NAV1: variants seen among roughly 807,000 people sequenced by gnomAD.
The protein encoded by NAV1 is neuron navigator 1, also known as pore membrane and/or filament interacting like protein 3.
NAV1 carries 18 observed loss-of-function variants against 175.2 expected under a neutral mutation model. The ratio of observed to expected loss-of-function variants is 0.10; its 90% confidence interval spans 0.07 to 0.15. NAV1 has a LOEUF of 0.15. Among genes scored for constraint, NAV1 ranks in the 10% least tolerant of loss-of-function variants. NAV1 has a pLI of 1.00. For missense variants in NAV1, 1,731 were observed against 2,436.6 expected, an observed-to-expected ratio of 0.71 and a Z score of 6.10; for synonymous variants, 897 against 978.7, an observed-to-expected ratio of 0.92 and a Z score of 1.56.
intron 3 of NAV1, among the ~76,000 whole-genome samples, chr1:201,760,861 G>A (rs937706831): frequency 1.3e-5 from 2 of 152,082 alleles, no homozygotes; most frequent in South Asian, 4.1e-4. Context: ...AACTAACATG[G>A]TACCATGTAG....
chr1:201,711,760 G>A lies in NAV1; in HGVS notation c.758-1057G>A, dbSNP rs536604699. 1.9e-4 allele frequency among the ~76,000 whole-genome samples: 29 copies of A among 152,352 alleles called. No homozygotes were observed. In the South Asian group the frequency reaches 2.9e-3, roughly 15 times the overall value. On this transcript the variant is annotated intron_variant, in intron 1 of 29. Coordinates refer to ENST00000367296, the Ensembl canonical transcript of NAV1. ...CTTTAGGTTCCAAAATGAAAGATAAGCCATGGGGCAGGGCCAGCTTCTCTT... is the reference window on the plus strand; with the variant it reads ...CTTTAGGTTCCAAAATGAAAGATAAACCATGGGGCAGGGCCAGCTTCTCTT...
At position 201,791,021 on chromosome 1, in the gene NAV1, G is replaced by A. The variant is rs1415940046; in HGVS notation, c.3321+255G>A. The A allele has an allele frequency of 1.1e-5, 5 of 446,760 alleles. No individual in the cohort carries two copies. In the East Asian group the frequency reaches 1.9e-4, roughly 17 times the overall value. The allele number at this position is 446,760 out of a possible 1,614,324, so 27.7% of individuals were successfully genotyped here. On this transcript the variant is annotated intron_variant, in intron 13 of 29. Coordinates refer to ENST00000367296, the Ensembl canonical transcript of NAV1. ...GATGAGTTCATGTCTGATGGGCTGAGCTCCCTAGAGAAAGAGAAGAAGATT... is the reference window on the plus strand; with the variant it reads ...GATGAGTTCATGTCTGATGGGCTGAACTCCCTAGAGAAAGAGAAGAAGATT...
chr1:201,680,334 C>T (rs938161461), intron 1 of NAV1, among the ~76,000 whole-genome samples: 2 of 152,040 alleles, frequency 1.3e-5, no homozygotes, highest in Non-Finnish European at 2.9e-5. Flanking sequence ...TGGAGAAACC[C>T]CATCTCTACT....
intron 3 of NAV1, among the ~76,000 whole-genome samples, chr1:201,733,884 T>A (rs1672973315): frequency 6.6e-6 from 1 of 152,250 alleles, no homozygotes. Flanking sequence ...GGACTTTGGC[T>A]TTTCTTCCAA....
intron 2 of NAV1, among the ~76,000 whole-genome samples, chr1:201,642,964 A>C (rs71635553): frequency 0.2 from 30,994 of 151,194 alleles, 3,923 homozygotes; most frequent in Admixed American, 0.37. Context: ...TTAGTAGAGA[A>C]GGGGTTTCAC....
At position 201,718,435 on chromosome 1, in the gene NAV1, C is replaced by T; in HGVS notation, c.906C>T (p.Arg302=). The T allele has an allele frequency of 6.4e-7, 1 of 1,556,104 alleles. No individual in the cohort carries two copies. Among genetic ancestry groups the T allele is most frequent in the Non-Finnish European group, 8.7e-7 (1 of 1,145,342 alleles). ...ACGACAGCGATGATGCCAACCCACGCAGCGTGTCCAGCCTCTCCAACCGCT... is the reference window on the plus strand; with the variant it reads ...ACGACAGCGATGATGCCAACCCACGTAGCGTGTCCAGCCTCTCCAACCGCT... The change falls in exon 3 of 30, where the codon CGC becomes CGT. Residue 302 remains arginine, a synonymous_variant. Coordinates refer to ENST00000367296, the Ensembl canonical transcript of NAV1. The surrounding 1 kb of genome is among the most constrained non-coding windows in gnomAD (Gnocchi z 4.8).
chr1:201,710,251 T>C (rs1671849766), intron 1 of NAV1, among the ~76,000 whole-genome samples: 1 of 151,902 alleles, frequency 6.6e-6, no homozygotes, highest in Non-Finnish European at 1.5e-5. Flanking sequence ...TAAAAAATTG[T>C]GGTAGCATCC....
Position 201,691,442 on chromosome 1 carries a change from A to G in NAV1, c.758-21375A>G, listed in dbSNP as rs1670938422. 2.0e-5 allele frequency among the ~76,000 whole-genome samples: 3 copies of G among 152,248 alleles called. No individual in the cohort carries two copies. The South Asian group carries it at 6.2e-4, about 32-fold the overall frequency. On this transcript the variant is annotated intron_variant, in intron 1 of 29. Coordinates refer to ENST00000367296, the Ensembl canonical transcript of NAV1. The stretch of plus-strand genomic sequence containing the variant: ...TTGTTTTGGTCAGCTTTTTATCCCT[A>G]GAGTCTAATATGGTGTTTGGCACAT...
At chr1:201,739,942 G>A (rs1673295197) in intron 3 of NAV1, 1 of 1,366,348 alleles carries the variant, frequency 7.3e-7, no homozygotes, top group Non-Finnish European at 9.5e-7. Context: ...ATACCTTTTC[G>A]GGTGTCCCCG....
At chr1:201,682,918 G>A (rs944769449) in intron 1 of NAV1, among the ~76,000 whole-genome samples, 21 of 151,998 alleles carry the variant, frequency 1.4e-4, no homozygotes, top group African/African-American at 3.9e-4. Context: ...CCCCACCCCC[G>A]TTTCCCCTGT....
At chr1:201,555,680 G>A (rs1665989151) in intron 1 of NAV1, among the ~76,000 whole-genome samples, 1 of 152,110 alleles carries the variant, frequency 6.6e-6, no homozygotes, top group Admixed American at 6.5e-5. Context: ...CAGAAGGAGG[G>A]AGGGCTGCTA....
At chr1:201,642,921 C>G (rs531428755) in intron 2 of NAV1, among the ~76,000 whole-genome samples, 2 of 152,094 alleles carry the variant, frequency 1.3e-5, no homozygotes, top group Admixed American at 6.5e-5. Flanking sequence ...AGGCGCCCAC[C>G]ACCACACCTA....
At chr1:201,618,479 C>T (rs191342331), upstream of NAV1, among the ~76,000 whole-genome samples, 15 of 152,198 alleles carry the variant, frequency 9.9e-5, no homozygotes, top group Admixed American at 2.6e-4. Flanking sequence ...TGGTTTCCAC[C>T]CTGTAAATTG....
chr1:201,780,900 T>A, intron 4 of NAV1, 112 bp from the exon 9 acceptor site: 1 of 1,247,860 alleles, frequency 8.0e-7, no homozygotes, highest in Non-Finnish European at 1.1e-6. Context: ...TCAGTTTGAC[T>A]TAATACTCTG....
In NAV1 at chr1:201,785,369, T is replaced by C. The variant is rs1268256411; in HGVS notation, c.2846+18T>C. ...GGGCTCAGGTAACCCTTTAATGTGT[T>C]TTTTCTTCCCTATAAATGGGACTGC... On this transcript the variant is annotated intron_variant, in intron 8 of 29. Transcript: ENST00000367296. The C allele has an allele frequency of 3.1e-6, 5 of 1,612,946 alleles. No homozygotes were observed. The Admixed American group carries it at 6.7e-5, about 22-fold the overall frequency.
chr1:201,685,133 A>G (rs1057235886), intron 1 of NAV1, among the ~76,000 whole-genome samples: 1 of 151,054 alleles, frequency 6.6e-6, no homozygotes, highest in Non-Finnish European at 1.5e-5. Context: ...TTAGCCTGGC[A>G]TGGTGGTGGG....
intron 28 of NAV1, among the ~76,000 whole-genome samples, chr1:201,814,759 G>C (rs1678916021): frequency 6.6e-6 from 1 of 151,894 alleles, no homozygotes; most frequent in African/African-American, 2.4e-5. Context: ...CAAAAAAAAA[G>C]CCGGGTGCGG....
chr1:201,633,720 C>CA (rs950870409), intron 2 of NAV1, among the ~76,000 whole-genome samples: 2 of 152,238 alleles, frequency 1.3e-5, no homozygotes, highest in Non-Finnish European at 2.9e-5. Context: ...TGGGGACCTC[C>CA]AGGCCAAGAT....
chr1:201,747,247 C>T (rs554113807), intron 3 of NAV1, among the ~76,000 whole-genome samples: 5 of 152,136 alleles, frequency 3.3e-5, no homozygotes, highest in African/African-American at 7.2e-5. Context: ...CACACACGGT[C>T]CTGCCTGTGT....
Sources: allele counts gnomAD v4.1 joint callset (sites outside exome capture counted in the v4.1 genomes callset), GRCh38; gene constraint gnomAD v4.1.1; non-coding constraint Gnocchi (gnomAD v3.1); transcripts MANE v1.5; gene names NCBI Gene and HGNC (gene_info 2026-07-23, HGNC 2026-07-21).